The following TRIP11 variants were observed in gnomAD, a reference collection of about 807,000 sequenced individuals.
TRIP11 encodes thyroid hormone receptor interactor 11, also known as thyroid receptor-interacting protein 11.
Under a neutral mutation model 223.1 loss-of-function variants are expected in TRIP11, and 148 were observed. The ratio of observed to expected loss-of-function variants is 0.66; its 90% CI spans 0.58 to 0.76. The LOEUF (loss-of-function observed/expected upper bound fraction) is 0.76. TRIP11 is among the 30% of genes least tolerant of loss of function. The pLI is 0.00. For synonymous variants in TRIP11, 762 were observed against 772.6 expected (o/e 0.99, Z 0.23); for missense variants, 2,043 against 2,222.0 (o/e 0.92, Z 1.62).
chr14:91,974,785 GA>G lies in TRIP11; in HGVS notation c.5458-43del, dbSNP rs370006254. 0.062 allele frequency: 61,103 copies of G among 979,174 alleles called. 9 individuals carry two copies. Among genetic ancestry groups the G allele is most frequent in the East Asian group, 0.073 (2,045 of 27,992 alleles). 60.7% of individuals were successfully genotyped at this position (979,174 alleles called of 1,614,324 possible). A position where few individuals can be genotyped will look rare whatever the true frequency, so the allele number is the denominator to read the frequency against. On this transcript the variant is annotated intron_variant, in intron 18 of 20. Transcript: ENST00000267622. ...AAACAGACAAATATTATCAGTACAA[GA>G]AAAAAAAAAAAACAAGGACCACTTT...
At chr14:92,038,687 T>G (rs184457061) in intron 1 of TRIP11, among the ~76,000 whole-genome samples, 1 of 151,992 alleles carries the variant, frequency 6.6e-6, no homozygotes, top group Non-Finnish European at 1.5e-5. Flanking sequence ...AGAAATACAA[T>G]TGTCAAAGCA....
At chr14:92,000,161 TAA>T in intron 11 of TRIP11, 53 bp from the exon 12 acceptor site, 3 of 1,606,758 alleles carry the variant, frequency 1.9e-6, no homozygotes, top group South Asian at 1.1e-5. Context: ...ACACATATTT[TAA>T]AAGAGACATT....
At chr14:92,026,654 GA>G (rs951933252) in intron 2 of TRIP11, 39 of 1,122,392 alleles carry the variant, frequency 3.5e-5, no homozygotes, top group Non-Finnish European at 5.3e-5. Context: ...GCGGAAAATG[GA>G]AGAGACGCCC....
At chr14:91,973,252 C>T (rs905430163) in intron 19 of TRIP11, among the ~76,000 whole-genome samples, 1 of 152,092 alleles carries the variant, frequency 6.6e-6, no homozygotes, top group Admixed American at 6.6e-5. Flanking sequence ...TCTCAAACTC[C>T]TGACCCTGTG....
chr14:91,973,414 T>TCATG (rs1054580828), intron 19 of TRIP11, among the ~76,000 whole-genome samples: 42 of 152,278 alleles, frequency 2.8e-4, no homozygotes, highest in African/African-American at 9.6e-4. Flanking sequence ...TTCTAACACC[T>TCATG]CATGGTCAGA....
At chr14:92,026,745 G>GGAGGAAGAAGAAGGTGAGGGT (rs1273057216) in intron 2 of TRIP11, 3 of 1,077,084 alleles carry the variant, frequency 2.8e-6, no homozygotes, top group East Asian at 4.8e-5. Context: ...AGGAAGAGGA[G>GGAGGAAGAAGAAGGTGAGGGT]GAGGAAGAAG....
chr14:91,993,476 C>CAAAAAAAAA (rs59244424), intron 15 of TRIP11, among the ~76,000 whole-genome samples: 1 of 51,772 alleles, frequency 1.9e-5, no homozygotes, highest in African/African-American at 7.0e-5. Context: ...AACTCGGTCT[C>CAAAAAAAAA]AAAAAAAAAA....
chr14:92,015,037 G>A (rs2057018578), intron 6 of TRIP11, among the ~76,000 whole-genome samples: 1 of 151,782 alleles, frequency 6.6e-6, no homozygotes, highest in South Asian at 2.1e-4. Context: ...CTGAGTAGCT[G>A]GGACCACAGG....
rs772739780 is a variant in TRIP11 at position 92,021,795 on chromosome 14, G to A, written c.349C>T (p.Leu117Phe). 8.1e-6 allele frequency: 13 copies of A among 1,614,024 alleles called. No individual in the cohort carries two copies. The Admixed American group carries it at 1.0e-4, about 12-fold the overall frequency. The change falls in exon 4 of 21, where the codon CTC becomes TTC. Residue 117 changes from leucine (L) to phenylalanine (F), a missense_variant. Transcript: ENST00000267622. ...TGCAGTTTCAGCAACTGATCCTGGA[G>A]TGCAATCTGTCTGGCTTTAAGATGG... ...ISHLKARQIALQDQLLKLQSA... is the reference protein window; with the variant it reads ...ISHLKARQIAFQDQLLKLQSA...
At chr14:91,984,392 C>T (rs1475552485) in intron 16 of TRIP11, among the ~76,000 whole-genome samples, 4 of 150,016 alleles carry the variant, frequency 2.7e-5, no homozygotes, top group Admixed American at 6.6e-5. Context: ...CTCAACTCAC[C>T]GCAACCTCCA....
chr14:92,036,976 C>T (rs1238617762), intron 1 of TRIP11, among the ~76,000 whole-genome samples: 1 of 152,162 alleles, frequency 6.6e-6, no homozygotes, highest in African/African-American at 2.4e-5. Context: ...GCTATCCTCC[C>T]ACTTTAGCCT....
intron 11 of TRIP11, among the ~76,000 whole-genome samples, chr14:92,001,376 GTT>G (rs34072505): frequency 6.5e-4 from 88 of 135,276 alleles, no homozygotes; most frequent in African/African-American, 2.6e-3. Flanking sequence ...TAGTTTTTCA[GTT>G]TTTTTTTTTT....
rs1328081689 is a variant in TRIP11, at chr14:91,982,928, A to G, written c.5260+5356T>C. Among the ~76,000 whole-genome samples the G allele has an allele frequency of 1.3e-5, 2 of 152,192 alleles. 1 individual carries two copies. Among genetic ancestry groups the G allele is most frequent in the South Asian group, 4.1e-4 (2 of 4,828 alleles). On this transcript the variant is annotated intron_variant, in intron 16 of 20. Transcript: ENST00000267622. Reference sequence around the variant, plus strand: ...TTCAGCACTCCACTCCAACACATGCATGTGCACACATACCCACCACCCTTG... The same window carrying G: ...TTCAGCACTCCACTCCAACACATGCGTGTGCACACATACCCACCACCCTTG...
chr14:91,969,574 A>G lies in TRIP11; in HGVS notation c.*99T>C, dbSNP rs1250300734. Reference sequence around the variant, plus strand: ...AGAGAAAGCATAATTGCGAACAAATACATGACTTTCTCCCCAAAGGCCACT... The same window carrying G: ...AGAGAAAGCATAATTGCGAACAAATGCATGACTTTCTCCCCAAAGGCCACT... On this transcript the variant is annotated 3_prime_UTR_variant, in exon 21 of 21. Transcript: ENST00000267622. 6 of 1,178,412 alleles carry G rather than the reference A, an allele frequency of 5.1e-6. No homozygotes were observed. The highest frequency in any genetic ancestry group is 7.6e-6 in the Non-Finnish European group (6 of 790,108). 73.0% of individuals were successfully genotyped at this position (1,178,412 alleles called of 1,614,324 possible).
intron 19 of TRIP11, among the ~76,000 whole-genome samples, chr14:91,973,898 G>C (rs2056430566): frequency 6.6e-6 from 1 of 152,058 alleles, no homozygotes; most frequent in Non-Finnish European, 1.5e-5. Flanking sequence ...GGTGGTGGTG[G>C]GCGCCTGTTA....
Position 92,014,416 on chromosome 14 carries a change from T to C in TRIP11, c.985A>G (p.Arg329Gly), listed in dbSNP as rs769345715. The change falls in exon 7 of 21, where the codon AGA (arginine) becomes GGA (glycine). Residue 329 changes from arginine to glycine, a missense_variant. By Grantham distance (125) the Arg-to-Gly change is moderately radical. Transcript: ENST00000267622. ...TCTTGTTCTCTCCTCAAAATATCTC[T>C]GTCATTTTCTGCAGAAGATAATTTT... is the stretch of plus-strand genomic sequence containing the variant. Reference protein sequence around the residue: ...NKKLSSAENDRDILRREQEQL... With the variant: ...NKKLSSAENDGDILRREQEQL... 44 of 1,611,204 alleles carry C rather than the reference T, an allele frequency of 2.7e-5. No individual in the cohort carries two copies. In the South Asian group the frequency reaches 4.7e-4, roughly 17 times the overall value.
rs531427726 is a variant in TRIP11, at chr14:91,993,485, A to G, written c.5160+324T>C. On this transcript the variant is annotated intron_variant, in intron 15 of 20. Coordinates refer to ENST00000267622, the MANE Select transcript of TRIP11 (RefSeq NM_004239.4). ...GAGTGAAACTCGGTCTCAAAAAAAA[A>G]AAAAAAAAAAAAAAGAGAGAAAATT... Among the ~76,000 whole-genome samples, 146 of 151,528 alleles carry G rather than the reference A, an allele frequency of 9.6e-4. 1 individual carries two copies. Among genetic ancestry groups the G allele is most frequent in the African/African-American group, 3.4e-3 (141 of 41,456 alleles).
Position 91,974,622 on chromosome 14 carries a change from C to A in TRIP11, c.5574+5G>T. Reference sequence around the variant, plus strand: ...ACCTTAAGCAAGAATAAAATTGTTTCTTACACTATTAACCACAGATTGCTG... The same window carrying A: ...ACCTTAAGCAAGAATAAAATTGTTTATTACACTATTAACCACAGATTGCTG... On this transcript the variant is annotated splice_donor_5th_base_variant and intron_variant, in intron 19 of 20. Transcript: ENST00000267622. The A allele has an allele frequency of 6.2e-7, 1 of 1,604,334 alleles. No individual in the cohort carries two copies. The highest frequency in any genetic ancestry group is 2.2e-4 in the Middle Eastern group (1 of 4,474).
At position 91,969,769 on chromosome 14, in the gene TRIP11, CAGA is replaced by C. The variant is rs1344883756; in HGVS notation, c.5841_5843del (p.Leu1948del). ...TGGGCAAAACATCTGAGATGGGTTT[CAGA>C]AGAAGATGCCCGGGCCCACCAGGTC... On this transcript the variant is annotated inframe_deletion, in exon 21 of 21. Transcript: ENST00000267622. 5.0e-6 allele frequency: 8 copies of C among 1,613,924 alleles called. No individual in the cohort carries two copies. Among genetic ancestry groups the C allele is most frequent in the Middle Eastern group, 1.7e-4 (1 of 6,022 alleles).
Sources: allele counts gnomAD v4.1 joint callset (sites outside exome capture counted in the v4.1 genomes callset), GRCh38; gene constraint gnomAD v4.1.1; transcripts MANE v1.5; gene names NCBI Gene and HGNC (gene_info 2026-07-23, HGNC 2026-07-21).